Variants in SCTR observed in about 807,000 individuals in gnomAD.
SCTR encodes pancreatic secretin receptor.
In SCTR, 56 loss-of-function variants were observed where a neutral mutation model predicts 60.8. The ratio of observed to expected loss-of-function variants is 0.92; its 90% CI spans 0.74 to 1.15. The LOEUF is 1.15. Among genes scored for constraint, SCTR ranks in the 50% most tolerant of loss-of-function variants. SCTR has a pLI of 0.00. For missense variants in SCTR, 562 were observed against 550.4 expected, an observed-to-expected ratio of 1.02 and a Z score of -0.21; for synonymous variants, 202 against 217.0, an observed-to-expected ratio of 0.93 and a Z score of 0.61.
At chr2:119,514,738 C>T (rs1573929408) in intron 1 of SCTR, among the ~76,000 whole-genome samples, 2 of 152,122 alleles carry the variant, frequency 1.3e-5, no homozygotes, top group Non-Finnish European at 2.9e-5. Context: ...ATCAGCCAAG[C>T]GTGGTGGCGC....
Position 119,503,688 on chromosome 2 carries a change from G to A in SCTR, c.73-9140C>T, listed in dbSNP as rs1010845026. Among the ~76,000 whole-genome samples, 24 of 152,124 alleles carry A rather than the reference G, an allele frequency of 1.6e-4. 1 individual carries two copies. The highest frequency in any genetic ancestry group is 2.6e-4 in the Admixed American group (4 of 15,264). ...ATAGGTGGAACGTGGGACTTTTAGG[G>A]CAGTGAATCGATTCTGCATGATACT... On this transcript the variant is annotated intron_variant, in intron 1 of 12. Coordinates refer to ENST00000019103, the MANE Select transcript of SCTR (RefSeq NM_002980.3).
chr2:119,521,687 C>G (rs1182735082), intron 1 of SCTR, among the ~76,000 whole-genome samples: 2 of 152,090 alleles, frequency 1.3e-5, no homozygotes, highest in African/African-American at 4.8e-5. Context: ...GCCTCACTGA[C>G]CCCCCTCCAT....
chr2:119,476,745 AAGG>A (rs1383900412), intron 3 of SCTR: 2 of 152,718 alleles, frequency 1.3e-5, no homozygotes, highest in Non-Finnish European at 2.9e-5. Flanking sequence ...GACGGCTGCA[AAGG>A]AGAAGAGCTT....
At chr2:119,513,241 T>A (rs1365102638) in intron 1 of SCTR, among the ~76,000 whole-genome samples, 1 of 152,242 alleles carries the variant, frequency 6.6e-6, no homozygotes, top group African/African-American at 2.4e-5. Flanking sequence ...TTCCAAAGAT[T>A]TCTGGAAATT....
At chr2:119,493,044 A>T (rs1678199718) in intron 2 of SCTR, among the ~76,000 whole-genome samples, 1 of 151,912 alleles carries the variant, frequency 6.6e-6, no homozygotes, top group South Asian at 2.1e-4. Flanking sequence ...TTTAATAGAG[A>T]TGGGGTTTCA....
intron 2 of SCTR, among the ~76,000 whole-genome samples, chr2:119,482,941 G>A (rs1037881651): frequency 5.9e-5 from 9 of 152,364 alleles, no homozygotes; most frequent in East Asian, 1.9e-4. Flanking sequence ...CTGCCAGCTC[G>A]GGTCAGCCTC....
At chr2:119,449,147 A>T (rs1040744954) in intron 9 of SCTR, among the ~76,000 whole-genome samples, 1 of 152,202 alleles carries the variant, frequency 6.6e-6, no homozygotes, top group Admixed American at 6.5e-5. Context: ...AGGTAATACA[A>T]TGCCAAAGCT....
chr2:119,514,393 G>T (rs1024999235), intron 1 of SCTR, among the ~76,000 whole-genome samples: 2 of 152,146 alleles, frequency 1.3e-5, no homozygotes, highest in African/African-American at 4.8e-5. Flanking sequence ...GGAGGCTATG[G>T]AGCATCCATA....
In SCTR at chr2:119,462,000, C is replaced by T. The variant is rs757614143; in HGVS notation, c.637G>A (p.Ala213Thr). 1.3e-6 allele frequency: 2 copies of T among 1,598,010 alleles called. No individual in the cohort carries two copies. The highest frequency in any genetic ancestry group is 1.7e-6 in the Non-Finnish European group (2 of 1,171,568). The change falls in exon 7 of 13, where the codon GCG becomes ACG. Residue 213 changes from alanine to threonine, a missense_variant and splice_region_variant. By Grantham distance (58) the Ala-to-Thr change is moderately conservative. Coordinates refer to ENST00000019103, the MANE Select transcript of SCTR (RefSeq NM_002980.3). ...AGCACCATGACCAGCTTGCAGCCCG[C>T]CTGGAGAGAGAGAGGCAGCTGAACC... ...DDVTYCDAHRAGCKLVMVLFQ... is the reference protein window; with the variant it reads ...DDVTYCDAHRTGCKLVMVLFQ...
chr2:119,495,219 T>A (rs1678300587), intron 1 of SCTR, among the ~76,000 whole-genome samples: 1 of 152,200 alleles, frequency 6.6e-6, no homozygotes, highest in Admixed American at 6.5e-5. Flanking sequence ...ATCAAACTCC[T>A]GGGATTATAG....
chr2:119,506,494 C>T (rs6717132), intron 1 of SCTR, among the ~76,000 whole-genome samples: 82,373 of 150,862 alleles, frequency 0.55, 22,746 homozygotes, highest in East Asian at 0.86. Flanking sequence ...ATTTATTTAT[C>T]TTTTAGAGAC....
chr2:119,501,236 C>T (rs973680327), intron 1 of SCTR, among the ~76,000 whole-genome samples: 2 of 152,082 alleles, frequency 1.3e-5, no homozygotes, highest in Non-Finnish European at 2.9e-5. Context: ...CGGTGAAACC[C>T]TGTCTCTACT....
intron 7 of SCTR, among the ~76,000 whole-genome samples, chr2:119,453,951 C>T (rs949478733): frequency 1.3e-5 from 2 of 152,130 alleles, no homozygotes; most frequent in Non-Finnish European, 2.9e-5. Flanking sequence ...TCTAGTTAAA[C>T]GTGGCAAACT....
In SCTR at chr2:119,446,861, C is replaced by A. The variant is rs768123223; in HGVS notation, c.1038G>T (p.Leu346=). 2 of 1,568,814 alleles carry A rather than the reference C, an allele frequency of 1.3e-6. No homozygotes were observed. Among genetic ancestry groups the A allele is most frequent in the East Asian group, 2.4e-5 (1 of 41,876 alleles). ...AGTGGATGCCAAAGAGGGGGATCAG[C>A]AGGAGAGTGGACCTGGCCAGGCGCC... ...HYKRLARSTL[L]LIPLFGIHYI... The change falls in exon 11 of 13, where the codon CTG becomes CTT. Residue 346 remains leucine (L), a synonymous_variant. Transcript: ENST00000019103.
At chr2:119,476,316 C>T (rs1296724620) in intron 3 of SCTR, 2 of 152,232 alleles carry the variant, frequency 1.3e-5, no homozygotes, top group East Asian at 1.9e-4. Flanking sequence ...GGCCACCCAC[C>T]CCCAGGCTGG....
At chr2:119,491,386 G>A (rs946312769) in intron 2 of SCTR, among the ~76,000 whole-genome samples, 2 of 152,190 alleles carry the variant, frequency 1.3e-5, no homozygotes, top group African/African-American at 4.8e-5. Context: ...TGGCTCAAAC[G>A]TCATTTCCTC....
chr2:119,480,503 C>T (rs766652769), intron 2 of SCTR, among the ~76,000 whole-genome samples: 1 of 152,176 alleles, frequency 6.6e-6, no homozygotes, highest in Non-Finnish European at 1.5e-5. Context: ...AGCTACAATT[C>T]AAGATGAGAT....
intron 1 of SCTR, among the ~76,000 whole-genome samples, chr2:119,504,590 C>T (rs1211908929): frequency 1.3e-5 from 2 of 151,302 alleles, no homozygotes; most frequent in East Asian, 3.9e-4. Flanking sequence ...GACTCTGTCT[C>T]AAAAAATAAA....
chr2:119,515,412 T>C (rs570238281), intron 1 of SCTR, among the ~76,000 whole-genome samples: 66 of 152,316 alleles, frequency 4.3e-4, no homozygotes, highest in Non-Finnish European at 2.4e-4. Context: ...GCTAACTGCA[T>C]AGTTGGTAAA....
Sources: gnomAD v4.1 joint callset for allele counts (sites outside exome capture counted in the v4.1 genomes callset) on GRCh38, gnomAD v4.1.1 for gene constraint, MANE v1.5 for transcripts, NCBI Gene and HGNC (gene_info 2026-07-23, HGNC 2026-07-21) for gene names.